AGBL4: variants seen among roughly 807,000 people sequenced by gnomAD.
The protein encoded by AGBL4 is cytosolic carboxypeptidase 6.
AGBL4 carries 58 observed loss-of-function variants against 66.4 expected under a neutral mutation model. The ratio of observed to expected loss-of-function variants is 0.87; its 90% confidence interval spans 0.71 to 1.09. The LOEUF (loss-of-function observed/expected upper bound fraction) is 1.09. AGBL4 is among the 50% of genes least tolerant of loss of function. The pLI is 0.00. For missense variants in AGBL4, 579 were observed against 631.0 expected, an observed-to-expected ratio of 0.92 and a Z score of 0.88; for synonymous variants, 234 against 222.9, an observed-to-expected ratio of 1.05 and a Z score of -0.44.
chr1:49,774,809 A>G (rs1323840793), intron 2 of AGBL4, among the ~76,000 whole-genome samples: 1 of 152,098 alleles, frequency 6.6e-6, no homozygotes, highest in African/African-American at 2.4e-5. Flanking sequence ...ATAAACTGAT[A>G]CTCTTTCCAG....
intron 2 of AGBL4, among the ~76,000 whole-genome samples, chr1:49,770,311 T>C (rs1170249966): frequency 1.3e-5 from 2 of 152,262 alleles, no homozygotes; most frequent in Non-Finnish European, 2.9e-5. Context: ...TTTGTTGATG[T>C]GGTATATCAC....
chr1:49,950,045 C>T (rs12728324), intron 1 of AGBL4, among the ~76,000 whole-genome samples: 8 of 108,562 alleles, frequency 7.4e-5, no homozygotes, highest in Admixed American at 1.9e-4. Flanking sequence ...TATATATACA[C>T]ATATGTGTAT....
chr1:49,500,564 G>C lies in AGBL4; in HGVS notation c.282+196749C>G, dbSNP rs146428178. 3.4e-3 allele frequency among the ~76,000 whole-genome samples: 513 copies of C among 152,068 alleles called. 1 individual carries two copies. Among genetic ancestry groups the C allele is most frequent in the African/African-American group, 0.012 (483 of 41,540 alleles). ...TTGAGTTGGTTTTTGTATAAGGTGA[G>C]AGACGAGGATCAACTTTTATTCTTC... On this transcript the variant is annotated intron_variant, in intron 3 of 13. Coordinates refer to ENST00000371839, the MANE Select transcript of AGBL4 (RefSeq NM_032785.4).
intron 6 of AGBL4, among the ~76,000 whole-genome samples, chr1:48,840,382 G>T (rs2148795510): frequency 6.6e-6 from 1 of 152,280 alleles, no homozygotes; most frequent in East Asian, 1.9e-4. Context: ...CCTGGCCTCA[G>T]TTTTCTCAAC....
At chr1:49,814,077 C>A (rs543885626) in intron 2 of AGBL4, among the ~76,000 whole-genome samples, 12 of 152,198 alleles carry the variant, frequency 7.9e-5, no homozygotes, top group South Asian at 2.1e-4. Flanking sequence ...TGTGAGGCCT[C>A]CCCAGCCATG....
At chr1:48,592,280 A>T (rs1486251206) in intron 9 of AGBL4, among the ~76,000 whole-genome samples, 1 of 152,228 alleles carries the variant, frequency 6.6e-6, no homozygotes, top group Non-Finnish European at 1.5e-5. Flanking sequence ...TTTCTAGTAC[A>T]TAGTCCTGGG....
chr1:49,339,979 C>G (rs1335000681), intron 3 of AGBL4, among the ~76,000 whole-genome samples: 1 of 152,104 alleles, frequency 6.6e-6, no homozygotes, highest in East Asian at 1.9e-4. Context: ...CTACATATCC[C>G]AGTATACCTT....
chr1:48,673,989 C>G (rs1462048298), intron 6 of AGBL4, among the ~76,000 whole-genome samples: 1 of 152,194 alleles, frequency 6.6e-6, no homozygotes, highest in Non-Finnish European at 1.5e-5. Flanking sequence ...TCCCGTACTC[C>G]CAGTCCTGCA....
At chr1:49,236,342 T>C (rs1040268555) in intron 4 of AGBL4, among the ~76,000 whole-genome samples, 2 of 152,130 alleles carry the variant, frequency 1.3e-5, no homozygotes, top group Non-Finnish European at 2.9e-5. Context: ...CTTAAGGATT[T>C]CTAGAGTTCT....
intron 3 of AGBL4, among the ~76,000 whole-genome samples, chr1:49,285,097 C>T (rs981458165): frequency 2.0e-4 from 31 of 152,178 alleles, no homozygotes; most frequent in African/African-American, 6.7e-4. Context: ...ACACCTATTC[C>T]AAAATTGACC....
At chr1:48,964,082 T>A (rs1219068832) in intron 5 of AGBL4, among the ~76,000 whole-genome samples, 1 of 152,170 alleles carries the variant, frequency 6.6e-6, no homozygotes, top group African/African-American at 2.4e-5. Context: ...AAGACACAGG[T>A]CCTGTGATGG....
intron 3 of AGBL4, among the ~76,000 whole-genome samples, chr1:49,362,027 GC>G (rs1157071361): frequency 2.6e-5 from 4 of 152,040 alleles, no homozygotes; most frequent in Non-Finnish European, 5.9e-5. Context: ...ATTAGTAGAT[GC>G]CACCTTCCTT....
chr1:49,995,445 C>T (rs1660298774), intron 1 of AGBL4: 2 of 373,778 alleles, frequency 5.4e-6, no homozygotes, highest in South Asian at 4.0e-5. Flanking sequence ...AACACAACTC[C>T]ACTGGGCTGA....
intron 6 of AGBL4, among the ~76,000 whole-genome samples, chr1:48,837,412 G>C (rs1183849891): frequency 2.0e-5 from 3 of 151,888 alleles, no homozygotes; most frequent in Non-Finnish European, 4.4e-5. Context: ...GGGAAAGGCA[G>C]ACCCATCCTT....
chr1:49,065,294 G>A (rs1187135065), intron 4 of AGBL4, among the ~76,000 whole-genome samples: 3 of 152,226 alleles, frequency 2.0e-5, no homozygotes, highest in Non-Finnish European at 2.9e-5. Flanking sequence ...GGAGACATAG[G>A]TGGGGTGATG....
At chr1:49,873,424 T>A (rs1336705749) in intron 1 of AGBL4, among the ~76,000 whole-genome samples, 1 of 152,032 alleles carries the variant, frequency 6.6e-6, no homozygotes, top group Admixed American at 6.6e-5. Context: ...AAACAAAAAC[T>A]TGGGACCTCA....
chr1:49,125,730 C>T (rs1286458475), intron 4 of AGBL4, among the ~76,000 whole-genome samples: 1 of 152,120 alleles, frequency 6.6e-6, no homozygotes, highest in Admixed American at 6.6e-5. Context: ...TATCTCCATT[C>T]TCAAATGAGA....
intron 3 of AGBL4, among the ~76,000 whole-genome samples, chr1:49,533,367 A>T (rs1402177443): frequency 2.6e-5 from 4 of 152,194 alleles, no homozygotes; most frequent in Non-Finnish European, 5.9e-5. Flanking sequence ...TGAATGCTTA[A>T]TCCTGGTAAT....
At chr1:49,507,401 A>C (rs1570904986) in intron 3 of AGBL4, among the ~76,000 whole-genome samples, 1 of 152,076 alleles carries the variant, frequency 6.6e-6, no homozygotes. Context: ...GAGAGACAGT[A>C]AAAGCTAATA....
Sources: gnomAD v4.1 joint callset for allele counts (sites outside exome capture counted in the v4.1 genomes callset) on GRCh38, gnomAD v4.1.1 for gene constraint, MANE v1.5 for transcripts, NCBI Gene and HGNC (gene_info 2026-07-23, HGNC 2026-07-21) for gene names.